RPSA2: variants seen among roughly 807,000 people sequenced by gnomAD.
RPSA2 encodes ribosomal protein SA 2.
At chr19:23,828,583 G>A in the RPSA2 span, among the ~76,000 whole-genome samples, 1 of 115,476 alleles carries the variant, frequency 8.7e-6, no homozygotes, top group African/African-American at 3.3e-5. Flanking sequence ...TTTTATCGTT[G>A]TATATTCTCA....
chr19:23,808,821 T>G, the RPSA2 span: 1 of 800,398 alleles, frequency 1.2e-6, no homozygotes, highest in Non-Finnish European at 1.9e-6. Context: ...CCAGGTAGGT[T>G]AGAGTGAATA....
At chr19:23,862,768 A>T in the RPSA2 span, among the ~76,000 whole-genome samples, 1 of 152,118 alleles carries the variant, frequency 6.6e-6, no homozygotes, top group African/African-American at 2.4e-5. Flanking sequence ...GAATAAAAAA[A>T]AAAACAGTCC....
the RPSA2 span, among the ~76,000 whole-genome samples, chr19:23,843,801 C>T: frequency 2.6e-5 from 4 of 151,896 alleles, no homozygotes; most frequent in East Asian, 5.8e-4. Flanking sequence ...CTCTTGTTGC[C>T]GAGGCTGGAG....
At chr19:23,790,728 G>A in the RPSA2 span, 1 of 450,004 alleles carries the variant, frequency 2.2e-6, no homozygotes. Context: ...TGCAGGTACT[G>A]GAGATCCACA....
the RPSA2 span, among the ~76,000 whole-genome samples, chr19:23,774,621 AT>A: frequency 6.6e-6 from 1 of 152,182 alleles, no homozygotes; most frequent in Non-Finnish European, 1.5e-5. Flanking sequence ...AGCATCAACT[AT>A]TTGATGTGAC....
chr19:23,758,584 G>C, the RPSA2 span, among the ~76,000 whole-genome samples: 1 of 152,216 alleles, frequency 6.6e-6, no homozygotes, highest in Non-Finnish European at 1.5e-5. Context: ...AGGACGCCCG[G>C]GGGGCTGGCT....
the RPSA2 span, among the ~76,000 whole-genome samples, chr19:23,838,917 G>T: frequency 2.0e-5 from 3 of 151,956 alleles, no homozygotes; most frequent in African/African-American, 7.3e-5. Context: ...TTTACCTTCT[G>T]TATTTTTTGT....
the RPSA2 span, among the ~76,000 whole-genome samples, chr19:23,840,543 A>C: frequency 6.6e-6 from 1 of 152,198 alleles, no homozygotes; most frequent in Non-Finnish European, 1.5e-5. Context: ...TTAAATGCAC[A>C]CTTAAAAAAG....
the RPSA2 span, among the ~76,000 whole-genome samples, chr19:23,783,384 C>G: frequency 0.98 from 148,764 of 152,082 alleles, 72,853 homozygotes; most frequent in Middle Eastern, 1. Context: ...CAGGTGCCAC[C>G]ACACCTGGCT....
At chr19:23,794,527 TAGTG>T in the RPSA2 span, among the ~76,000 whole-genome samples, 2 of 152,288 alleles carry the variant, frequency 1.3e-5, no homozygotes, top group East Asian at 1.9e-4. Context: ...GTCTACTTGT[TAGTG>T]AGGTCTTTTT....
chr19:23,810,723 C>T, the RPSA2 span, among the ~76,000 whole-genome samples: 1 of 152,132 alleles, frequency 6.6e-6, no homozygotes, highest in Non-Finnish European at 1.5e-5. Context: ...GTCTGCAGGC[C>T]TCTCAGCATA....
chr19:23,800,963 A>G, the RPSA2 span, among the ~76,000 whole-genome samples: 6 of 152,244 alleles, frequency 3.9e-5, no homozygotes, highest in African/African-American at 9.6e-5. Context: ...ACTTCTTTCA[A>G]TGACTCTTGT....
the RPSA2 span, among the ~76,000 whole-genome samples, chr19:23,801,769 C>A: frequency 1.3e-5 from 2 of 152,186 alleles, no homozygotes; most frequent in African/African-American, 2.4e-5. Flanking sequence ...CACAAATCCA[C>A]TTGTAATTGC....
At chr19:23,800,027 CTT>C in the RPSA2 span, among the ~76,000 whole-genome samples, 65 of 110,954 alleles carry the variant, frequency 5.9e-4, no homozygotes, top group South Asian at 1.7e-3. Context: ...TTTTCTTTTT[CTT>C]TTTTTTTTTT....
the RPSA2 span, among the ~76,000 whole-genome samples, chr19:23,811,180 C>G: frequency 6.6e-6 from 1 of 151,804 alleles, no homozygotes; most frequent in Non-Finnish European, 1.5e-5. Context: ...CACCACCCAG[C>G]TAAATTTTGT....
the RPSA2 span, among the ~76,000 whole-genome samples, chr19:23,842,034 T>C: frequency 6.6e-6 from 1 of 152,260 alleles, no homozygotes; most frequent in Admixed American, 6.5e-5. Flanking sequence ...TATCAGTTAC[T>C]AGATGTTTTA....
chr19:23,859,961 G>T, the RPSA2 span, among the ~76,000 whole-genome samples: 1 of 152,160 alleles, frequency 6.6e-6, no homozygotes, highest in African/African-American at 2.4e-5. Flanking sequence ...CCATGTTTAC[G>T]AAGGCAGCCC....
At chr19:23,825,529 T>C in the RPSA2 span, among the ~76,000 whole-genome samples, 1 of 152,168 alleles carries the variant, frequency 6.6e-6, no homozygotes, top group African/African-American at 2.4e-5. Flanking sequence ...AACTTGTATA[T>C]TTGTTGTGTA....
the RPSA2 span, among the ~76,000 whole-genome samples, chr19:23,861,680 G>T: frequency 6.6e-6 from 1 of 152,072 alleles, no homozygotes; most frequent in African/African-American, 2.4e-5. Flanking sequence ...ACCTCTGCAA[G>T]CCCCTCACTC....
Sources: gnomAD v4.1 joint callset for allele counts (sites outside exome capture counted in the v4.1 genomes callset) on GRCh38, gnomAD v4.1.1 for gene constraint, MANE v1.5 for transcripts, NCBI Gene and HGNC (gene_info 2026-07-23, HGNC 2026-07-21) for gene names.